GRM8: variants seen among roughly 807,000 people sequenced by gnomAD.
GRM8 encodes the protein glutamate metabotropic receptor 8.
In GRM8, 47 loss-of-function variants were observed where a neutral mutation model predicts 87.2. The observed-to-expected ratio is 0.54, with a 90% CI of 0.43 to 0.69. GRM8 has a LOEUF of 0.69. Ranked by LOEUF, GRM8 falls within the 30% of genes least tolerant of loss-of-function variation. GRM8 has a pLI of 0.00. For synonymous variants in GRM8, 396 were observed against 404.5 expected (o/e 0.98, Z 0.25); for missense variants, 1,019 against 1,139.2 (o/e 0.89, Z 1.52).
chr7:126,773,764 G>A (rs975566207), intron 6 of GRM8, among the ~76,000 whole-genome samples: 1 of 152,058 alleles, frequency 6.6e-6, no homozygotes, highest in African/African-American at 2.4e-5. Context: ...GAAAGGCTGA[G>A]GTGGGAGGAT....
intron 10 of GRM8, 107 bp from the exon 11 acceptor site, chr7:126,439,275 C>T (rs1435263756): frequency 4.2e-6 from 3 of 721,654 alleles, no homozygotes; most frequent in Non-Finnish European, 7.5e-6. Flanking sequence ...TAATATCCAG[C>T]TTTTACAGCA....
At chr7:126,817,203 T>C (rs1793872996) in intron 6 of GRM8, among the ~76,000 whole-genome samples, 1 of 152,062 alleles carries the variant, frequency 6.6e-6, no homozygotes, top group African/African-American at 2.4e-5. Context: ...ATTACTTCTA[T>C]ATTTTTGACA....
intron 1 of GRM8, chr7:127,251,223 G>T (rs377348147): frequency 1.3e-5 from 2 of 152,306 alleles, no homozygotes; most frequent in South Asian, 2.1e-4. Context: ...TTTGGGCCAC[G>T]GGGGAAGTAA....
At chr7:126,610,691 CTT>C (rs1798834727) in intron 7 of GRM8, among the ~76,000 whole-genome samples, 1 of 152,126 alleles carries the variant, frequency 6.6e-6, no homozygotes, top group Non-Finnish European at 1.5e-5. Flanking sequence ...AAATCGATGA[CTT>C]TATCAAAAAA....
intron 3 of GRM8, among the ~76,000 whole-genome samples, chr7:126,983,211 T>C (rs1811716427): frequency 6.6e-6 from 1 of 152,106 alleles, no homozygotes; most frequent in African/African-American, 2.4e-5. Flanking sequence ...AACATAATAT[T>C]GTGGGAACAG....
At position 127,214,372 on chromosome 7, in the gene GRM8, T is replaced by C. The variant is rs561936288; in HGVS notation, c.510+28323A>G. 2.0e-5 allele frequency among the ~76,000 whole-genome samples: 3 copies of C among 152,358 alleles called. No individual in the cohort carries two copies. The East Asian group carries it at 5.8e-4, about 29-fold the overall frequency. ...GTATATCCTTATGATTTTTAAACTTTGTATATAATTTAACAGTATAACAAA... is the reference window on the plus strand; with the variant it reads ...GTATATCCTTATGATTTTTAAACTTCGTATATAATTTAACAGTATAACAAA... On this transcript the variant is annotated intron_variant, in intron 2 of 10. Coordinates refer to ENST00000339582, the MANE Select transcript of GRM8 (RefSeq NM_000845.3).
chr7:126,848,299 C>T (rs1427229289), intron 6 of GRM8, among the ~76,000 whole-genome samples: 5 of 152,116 alleles, frequency 3.3e-5, no homozygotes, highest in Non-Finnish European at 5.9e-5. Flanking sequence ...TTCATTAAGA[C>T]CACATACGAC....
At chr7:127,063,728 A>T (rs1192910225) in intron 3 of GRM8, among the ~76,000 whole-genome samples, 1 of 152,154 alleles carries the variant, frequency 6.6e-6, no homozygotes, top group Admixed American at 6.5e-5. Flanking sequence ...TGTGAAATTA[A>T]GTTTTTAATT....
At chr7:126,441,693 A>G (rs538281156) in intron 10 of GRM8, among the ~76,000 whole-genome samples, 5 of 152,226 alleles carry the variant, frequency 3.3e-5, no homozygotes, top group African/African-American at 1.2e-4. Context: ...ATAACTGACA[A>G]TCAGACTCAT....
At chr7:126,739,850 T>C (rs1284005662) in intron 7 of GRM8, among the ~76,000 whole-genome samples, 3 of 152,112 alleles carry the variant, frequency 2.0e-5, no homozygotes, top group Non-Finnish European at 4.4e-5. Context: ...ATTGTGTATC[T>C]AATACTAATA....
At chr7:126,575,896 AC>A (rs1200992038) in intron 8 of GRM8, among the ~76,000 whole-genome samples, 3 of 152,122 alleles carry the variant, frequency 2.0e-5, no homozygotes, top group African/African-American at 7.2e-5. Context: ...TTCTCTCATC[AC>A]CCAATTATTA....
At chr7:126,842,513 C>G (rs977843118) in intron 6 of GRM8, among the ~76,000 whole-genome samples, 5 of 152,112 alleles carry the variant, frequency 3.3e-5, no homozygotes, top group African/African-American at 1.2e-4. Flanking sequence ...CTCCCTTGAA[C>G]GTGTGAATGT....
At chr7:126,831,153 G>T (rs982294866) in intron 6 of GRM8, among the ~76,000 whole-genome samples, 2 of 152,176 alleles carry the variant, frequency 1.3e-5, no homozygotes, top group African/African-American at 2.4e-5. Flanking sequence ...GGGGGTCAGG[G>T]GTCAGGGACC....
chr7:126,558,953 A>G (rs1461720234), intron 8 of GRM8, among the ~76,000 whole-genome samples: 1 of 152,136 alleles, frequency 6.6e-6, no homozygotes, highest in African/African-American at 2.4e-5. Flanking sequence ...AGCTAGGTGG[A>G]GCAATAGCAG....
At chr7:127,232,168 A>C (rs1280690962) in intron 2 of GRM8, among the ~76,000 whole-genome samples, 1 of 139,950 alleles carries the variant, frequency 7.1e-6, no homozygotes, top group Non-Finnish European at 1.5e-5. Flanking sequence ...ACCTGCCATC[A>C]GTTCTGTTTC....
intron 7 of GRM8, 135 bp downstream of exon 7, chr7:126,769,728 ACT>A (rs1313566662): frequency 1.6e-6 from 1 of 609,362 alleles, no homozygotes; most frequent in African/African-American, 1.9e-5. Context: ...AGGTGGAAAA[ACT>A]CACACTTCTA....
chr7:126,603,047 T>G (rs1204577787), intron 8 of GRM8, among the ~76,000 whole-genome samples: 12 of 146,540 alleles, frequency 8.2e-5, no homozygotes, highest in Admixed American at 4.8e-4. Context: ...ATGATCAAGT[T>G]GGCTTCATCC....
intron 8 of GRM8, among the ~76,000 whole-genome samples, chr7:126,558,229 A>G (rs1793350954): frequency 6.6e-6 from 1 of 152,220 alleles, no homozygotes; most frequent in African/African-American, 2.4e-5. Flanking sequence ...AATGGCTAAT[A>G]GCTTACAACT....
intron 3 of GRM8, among the ~76,000 whole-genome samples, chr7:126,968,513 A>G (rs903693155): frequency 6.6e-6 from 1 of 152,166 alleles, no homozygotes; most frequent in African/African-American, 2.4e-5. Flanking sequence ...TTAAATGGTT[A>G]AGCTTTAGTA....
Sources: gnomAD v4.1 joint callset for allele counts (sites outside exome capture counted in the v4.1 genomes callset) on GRCh38, gnomAD v4.1.1 for gene constraint, MANE v1.5 for transcripts, NCBI Gene and HGNC (gene_info 2026-07-23, HGNC 2026-07-21) for gene names.